Variants in PCED1B observed in about 807,000 individuals in gnomAD.
PCED1B encodes PC-esterase domain-containing protein 1B.
For missense variants in PCED1B, 573 were observed against 573.9 expected, an observed-to-expected ratio of 1.00 and a Z score of 0.02; for synonymous variants, 251 against 246.1, an observed-to-expected ratio of 1.02 and a Z score of -0.19.
At chr12:47,109,492 G>A (rs1269664267) in intron 2 of PCED1B, among the ~76,000 whole-genome samples, 1 of 152,080 alleles carries the variant, frequency 6.6e-6, no homozygotes, top group Non-Finnish European at 1.5e-5. Context: ...GAGACTTAGA[G>A]TGATGATGAG....
chr12:47,149,505 C>T (rs1439542432), intron 2 of PCED1B, among the ~76,000 whole-genome samples: 6 of 152,174 alleles, frequency 3.9e-5, no homozygotes, highest in Non-Finnish European at 7.4e-5. Context: ...AATGGCCTAC[C>T]TATAGGTGCA....
Position 47,158,906 on chromosome 12 carries a change from T to A in PCED1B, c.-526+54711T>A, listed in dbSNP as rs182712557. On this transcript the variant is annotated intron_variant, in intron 2 of 3. Transcript: ENST00000546455. ...ACTCATTAGCCAACCTCTCTTTATC[T>A]CCTGCCCCCACCCACACATAGCCTC... 2.6e-5 allele frequency among the ~76,000 whole-genome samples: 4 copies of A among 152,250 alleles called. No homozygotes were observed. The East Asian group carries it at 7.7e-4, about 29-fold the overall frequency.
rs140008029 is a variant in PCED1B at position 47,180,961 on chromosome 12, G to T, written c.-525-35261G>T. 2.9e-3 allele frequency among the ~76,000 whole-genome samples: 437 copies of T among 151,100 alleles called. 6 individuals are homozygous for T. The highest frequency in any genetic ancestry group is 0.01 in the African/African-American group (424 of 41,166). ...AGTGGTTCCAGGGAGTTAGGTTCTG[G>T]TTAGTGAAGGTATTTTCAACTGTAT... On this transcript the variant is annotated intron_variant, in intron 2 of 3. Coordinates refer to ENST00000546455, the MANE Select transcript of PCED1B (RefSeq NM_138371.3).
intron 2 of PCED1B, among the ~76,000 whole-genome samples, chr12:47,161,387 G>A (rs1328991145): frequency 6.6e-6 from 1 of 152,192 alleles, no homozygotes; most frequent in African/African-American, 2.4e-5. Flanking sequence ...CACCACATAT[G>A]TGAGGGTATG....
intron 2 of PCED1B, among the ~76,000 whole-genome samples, chr12:47,154,128 G>C (rs1941105964): frequency 6.6e-6 from 1 of 152,194 alleles, no homozygotes; most frequent in Non-Finnish European, 1.5e-5. Context: ...ATTTGACCCA[G>C]GAAACGCGTA....
chr12:47,129,353 G>A (rs1387566869), intron 2 of PCED1B, among the ~76,000 whole-genome samples: 1 of 152,014 alleles, frequency 6.6e-6, no homozygotes, highest in Non-Finnish European at 1.5e-5. Flanking sequence ...TGAGCCTGTG[G>A]TCTTAGCTAC....
chr12:47,190,722 C>T (rs1304942057), intron 2 of PCED1B, among the ~76,000 whole-genome samples: 2 of 152,206 alleles, frequency 1.3e-5, no homozygotes, highest in African/African-American at 4.8e-5. Context: ...AGGTTGAGTA[C>T]CTGATGCCAG....
intron 2 of PCED1B, among the ~76,000 whole-genome samples, chr12:47,158,383 G>A (rs969804410): frequency 2.0e-5 from 3 of 152,070 alleles, no homozygotes; most frequent in African/African-American, 7.2e-5. Flanking sequence ...TCCAGTTTTC[G>A]ATTTGCATCT....
chr12:47,091,795 T>C (rs1056422458), intron 1 of PCED1B, among the ~76,000 whole-genome samples: 1 of 152,136 alleles, frequency 6.6e-6, no homozygotes, highest in Admixed American at 6.5e-5. Flanking sequence ...ATCTGAAAGA[T>C]TATCCTTTTC....
At chr12:47,167,861 G>A (rs114365954) in intron 2 of PCED1B, among the ~76,000 whole-genome samples, 2,366 of 152,290 alleles carry the variant, frequency 0.016, 60 homozygotes, top group African/African-American at 0.054. Context: ...CTCTCGAGCA[G>A]TACCTGGGCA....
rs1387946717 is a variant in PCED1B, at chr12:47,212,392, A to T, written c.-525-3830A>T. ...AAGACCCAGTTCTTGCAGGGCATTA[A>T]ATTATTCTCTGTAAAAAGAGCTTAC... On this transcript the variant is annotated intron_variant, in intron 2 of 3. Coordinates refer to ENST00000546455, the MANE Select transcript of PCED1B (RefSeq NM_138371.3). 2.0e-5 allele frequency among the ~76,000 whole-genome samples: 3 copies of T among 152,238 alleles called. No homozygotes were observed. In the East Asian group the frequency reaches 5.8e-4, roughly 29 times the overall value.
chr12:47,125,365 A>G (rs1045488923), intron 2 of PCED1B, among the ~76,000 whole-genome samples: 2 of 151,904 alleles, frequency 1.3e-5, no homozygotes, highest in African/African-American at 4.8e-5. Context: ...ATTCTGTTCT[A>G]TTGATTTATT....
intron 2 of PCED1B, among the ~76,000 whole-genome samples, chr12:47,188,872 C>T (rs1942358335): frequency 6.6e-6 from 1 of 152,220 alleles, no homozygotes; most frequent in Non-Finnish European, 1.5e-5. Flanking sequence ...CCTGGCTACA[C>T]AGTTGCTGGA....
At chr12:47,117,876 T>C (rs1215478604) in intron 2 of PCED1B, among the ~76,000 whole-genome samples, 2 of 152,224 alleles carry the variant, frequency 1.3e-5, no homozygotes, top group African/African-American at 4.8e-5. Context: ...CCTGACTTTT[T>C]AATGATCACC....
intron 3 of PCED1B, chr12:47,223,491 G>A (rs1423217033): frequency 6.6e-6 from 1 of 152,216 alleles, no homozygotes; most frequent in African/African-American, 2.4e-5. Flanking sequence ...GACTGTCCTG[G>A]AGGTGGAGTC....
rs369250575 is a variant in PCED1B, at chr12:47,217,472, GA to G, written c.-58+786del. 2.8e-3 allele frequency among the ~76,000 whole-genome samples: 141 copies of G among 49,640 alleles called. 2 individuals carry two copies. The highest frequency in any genetic ancestry group is 7.1e-3 in the Admixed American group (41 of 5,752). 32.6% of individuals were successfully genotyped at this position (49,640 alleles called of 152,430 possible). A position where few individuals can be genotyped will look rare whatever the true frequency, so the allele number is the denominator to read the frequency against. The stretch of plus-strand genomic sequence containing the variant: ...AGAAAGAAAGAAAAAGAAAGAAAGA[GA>G]AAGAAAGAAAGAAAGAAAGAAAGAA... On this transcript the variant is annotated intron_variant, in intron 3 of 3. Transcript: ENST00000546455.
chr12:47,214,653 A>G (rs1943194447), intron 2 of PCED1B, among the ~76,000 whole-genome samples: 2 of 152,190 alleles, frequency 1.3e-5, no homozygotes, highest in South Asian at 4.1e-4. Context: ...ATTCAAAAAA[A>G]AAGAAAAGAA....
At chr12:47,096,312 AT>A in intron 1 of PCED1B, among the ~76,000 whole-genome samples, 1 of 152,232 alleles carries the variant, frequency 6.6e-6, no homozygotes, top group African/African-American at 2.4e-5. Context: ...TATAAATGTT[AT>A]TTGAGCTAAT....
intron 2 of PCED1B, among the ~76,000 whole-genome samples, chr12:47,154,779 ATGTGTG>A (rs3989869): frequency 0.078 from 11,376 of 146,606 alleles, 865 homozygotes; most frequent in African/African-American, 0.2. Flanking sequence ...GTGTGTGTGC[ATGTGTG>A]TGTGTGTGTG....
Sources: allele counts gnomAD v4.1 joint callset (sites outside exome capture counted in the v4.1 genomes callset), GRCh38; gene constraint gnomAD v4.1.1; transcripts MANE v1.5; gene names NCBI Gene and HGNC (gene_info 2026-07-23, HGNC 2026-07-21).